The following RNF24 variants were observed in gnomAD, a reference collection of about 807,000 sequenced individuals.
RNF24 encodes ring finger protein 24.
A neutral mutation model predicts 20.0 loss-of-function variants in RNF24; 14 were observed. That is an observed-to-expected ratio of 0.70 (90% CI 0.46 to 1.10). The LOEUF (loss-of-function observed/expected upper bound fraction) is 1.10. Among genes scored for constraint, RNF24 ranks in the 50% least tolerant of loss-of-function variants. The pLI is 0.00. For synonymous variants in RNF24, 45 were observed against 61.1 expected, an observed-to-expected ratio of 0.74 and a Z score of 1.23; for missense variants, 124 against 177.6, an observed-to-expected ratio of 0.70 and a Z score of 1.71.
In RNF24 at chr20:4,000,525, C is replaced by CA. The variant is rs890696982; in HGVS notation, c.-8+14911dup. Among the ~76,000 whole-genome samples, 233 of 145,452 alleles carry CA rather than the reference C, an allele frequency of 1.6e-3. 1 individual carries two copies. Among genetic ancestry groups the CA allele is most frequent in the African/African-American group, 5.2e-3 (208 of 39,740 alleles). On this transcript the variant is annotated intron_variant, in intron 1 of 5. Transcript: ENST00000358395. Reference sequence around the variant, plus strand: ...GGGCAACAAGAGTGAAACTCTGTCTCAAAAAAAAAAATTATATTAATGCAT... The same window carrying CA: ...GGGCAACAAGAGTGAAACTCTGTCTCAAAAAAAAAAAATTATATTAATGCAT...
At chr20:3,946,444 G>A (rs1265570277) in intron 3 of RNF24, among the ~76,000 whole-genome samples, 2 of 151,750 alleles carry the variant, frequency 1.3e-5, no homozygotes, top group African/African-American at 4.8e-5. Flanking sequence ...ACAGAAGCGA[G>A]ACCCTGTCTC....
At chr20:4,001,485 G>T (rs1981384330) in intron 1 of RNF24, among the ~76,000 whole-genome samples, 1 of 152,156 alleles carries the variant, frequency 6.6e-6, no homozygotes, top group African/African-American at 2.4e-5. Context: ...GGCTGAATAT[G>T]AGGCACATAA....
intron 4 of RNF24, among the ~76,000 whole-genome samples, chr20:3,940,386 C>T (rs2090940833): frequency 6.7e-6 from 1 of 149,946 alleles, no homozygotes; most frequent in African/African-American, 2.5e-5. Context: ...CTGGAAATTA[C>T]TCAGTCTGAA....
chr20:3,967,514 G>C (rs2091270256), intron 1 of RNF24, among the ~76,000 whole-genome samples: 1 of 152,086 alleles, frequency 6.6e-6, no homozygotes, highest in South Asian at 2.1e-4. Flanking sequence ...AGTTCTAAGA[G>C]GGACAGATTA....
intron 4 of RNF24, among the ~76,000 whole-genome samples, chr20:3,941,051 C>A (rs1015992507): frequency 1.3e-5 from 2 of 152,096 alleles, no homozygotes; most frequent in African/African-American, 4.8e-5. Context: ...TGAGACCAGG[C>A]CTCACTCTGT....
rs2091043755 is a variant in RNF24, at chr20:3,948,263, G to A, written c.160C>T (p.His54Tyr). 1.9e-6 allele frequency: 3 copies of A among 1,589,974 alleles called. No homozygotes were observed. The highest frequency in any genetic ancestry group is 3.7e-5 in the Admixed American group (2 of 54,044). The change falls in exon 3 of 6, where the codon CAC becomes TAC. Residue 54 changes from histidine (H) to tyrosine (Y), a missense_variant. By Grantham distance (83) the His-to-Tyr change is moderately conservative (BLOSUM62 2). Transcript: ENST00000358395. Reference sequence around the variant, plus strand: ...TGTTTGTAGGCATAAAATTCTTTGTGTGCTTGATGTCTTAGCCTAAAAGAC... The same window carrying A: ...TGTTTGTAGGCATAAAATTCTTTGTATGCTTGATGTCTTAGCCTAAAAGAC... ...CYLIRLRHQA[H>Y]KEFYAYKQVI...
Position 3,927,314 on chromosome 20 carries a change from T to C in RNF24, c.*6749A>G, listed in dbSNP as rs903852708. On this transcript the variant is annotated 3_prime_UTR_variant, in exon 6 of 6. Coordinates refer to ENST00000358395, the MANE Select transcript of RNF24 (RefSeq NM_001134337.3). ...CAAAGGCATATGCACAACACTATTT[T>C]TCAAAATTTGCTTTTATTTACACGT... is the stretch of plus-strand genomic sequence containing the variant. 1.3e-5 allele frequency: 2 copies of C among 152,214 alleles called. No individual in the cohort carries two copies. Among genetic ancestry groups the C allele is most frequent in the Non-Finnish European group, 2.9e-5 (2 of 68,042 alleles). The allele number at this position is 152,214 out of a possible 1,614,324, so 9.4% of individuals were successfully genotyped here.
At chr20:3,970,672 G>A (rs1371629696) in intron 1 of RNF24, among the ~76,000 whole-genome samples, 1 of 152,012 alleles carries the variant, frequency 6.6e-6, no homozygotes, top group Non-Finnish European at 1.5e-5. Flanking sequence ...TTATAGAACT[G>A]AAAAACACAA....
At chr20:3,986,327 C>A (rs1457302516) in intron 1 of RNF24, among the ~76,000 whole-genome samples, 1 of 152,162 alleles carries the variant, frequency 6.6e-6, no homozygotes, top group Non-Finnish European at 1.5e-5. Context: ...TCATACCTCA[C>A]TGCAGCCTCG....
chr20:3,964,341 A>T (rs1000163399), intron 1 of RNF24, among the ~76,000 whole-genome samples: 6 of 152,226 alleles, frequency 3.9e-5, no homozygotes, highest in African/African-American at 1.2e-4. Flanking sequence ...AGAAGTGCAA[A>T]AAGAAAAAAA....
At chr20:3,984,730 T>C (rs1299976199) in intron 1 of RNF24, among the ~76,000 whole-genome samples, 1 of 152,206 alleles carries the variant, frequency 6.6e-6, no homozygotes, top group Non-Finnish European at 1.5e-5. Flanking sequence ...TCTCTATTGT[T>C]TGAGTTTAAA....
At chr20:3,960,578 G>C (rs2091190898) in intron 2 of RNF24, among the ~76,000 whole-genome samples, 1 of 152,072 alleles carries the variant, frequency 6.6e-6, no homozygotes. Flanking sequence ...TGAGGCAAGA[G>C]AATGGCGTGA....
At chr20:3,974,236 A>G (rs1354026266) in intron 1 of RNF24, 1 of 1,259,644 alleles carries the variant, frequency 7.9e-7, no homozygotes, top group Non-Finnish European at 1.1e-6. Context: ...GTTAAAAAGC[A>G]TCTACAAAAA....
chr20:3,941,844 G>A (rs773904904), intron 4 of RNF24, among the ~76,000 whole-genome samples: 1 of 152,028 alleles, frequency 6.6e-6, no homozygotes, highest in Non-Finnish European at 1.5e-5. Flanking sequence ...GAGGCCGAGG[G>A]GGGCAGATCA....
At chr20:3,981,166 A>C (rs1428275069) in intron 1 of RNF24, among the ~76,000 whole-genome samples, 5 of 152,044 alleles carry the variant, frequency 3.3e-5, no homozygotes, top group African/African-American at 4.8e-5. Context: ...CCTCTATCAA[A>C]AAAAATAAAA....
At chr20:3,989,802 G>A (rs148939349) in intron 1 of RNF24, among the ~76,000 whole-genome samples, 2 of 152,284 alleles carry the variant, frequency 1.3e-5, no homozygotes, top group Non-Finnish European at 2.9e-5. Flanking sequence ...CAAGATGGTG[G>A]CAACTCCATT....
chr20:4,000,380 C>T (rs1349227525), intron 1 of RNF24, among the ~76,000 whole-genome samples: 1 of 152,008 alleles, frequency 6.6e-6, no homozygotes, highest in Non-Finnish European at 1.5e-5. Flanking sequence ...AAAAAATTAG[C>T]CAGGTGTGGT....
chr20:3,944,322 A>C (rs1456904367), intron 4 of RNF24, among the ~76,000 whole-genome samples: 1 of 152,190 alleles, frequency 6.6e-6, no homozygotes, highest in African/African-American at 2.4e-5. Flanking sequence ...AAAAATATGC[A>C]GAAAGAGCAA....
intron 1 of RNF24, among the ~76,000 whole-genome samples, chr20:3,967,430 T>C (rs947321473): frequency 6.6e-6 from 1 of 152,016 alleles, no homozygotes; most frequent in Non-Finnish European, 1.5e-5. Flanking sequence ...CCAGTCAGTT[T>C]ATTAAAATCA....
Sources: gnomAD v4.1 joint callset for allele counts (sites outside exome capture counted in the v4.1 genomes callset) on GRCh38, gnomAD v4.1.1 for gene constraint, MANE v1.5 for transcripts, NCBI Gene and HGNC (gene_info 2026-07-23, HGNC 2026-07-21) for gene names.